TDRP: variants seen among roughly 807,000 people sequenced by gnomAD.
TDRP encodes the protein testis development-related protein.
TDRP carries 12 observed loss-of-function variants against 10.5 expected under a neutral mutation model. That is an observed-to-expected ratio of 1.15 (90% CI 0.73 to 1.86). TDRP has a LOEUF of 1.86. TDRP is among the 40% of genes most tolerant of loss of function. TDRP has a pLI of 0.00. For synonymous variants in TDRP, 139 were observed against 95.4 expected (o/e 1.46, Z -2.67); for missense variants, 353 against 229.2 (o/e 1.54, Z -3.49).
chr8:525,408 CAG>C (rs1802009740), intron 1 of TDRP, among the ~76,000 whole-genome samples: 2 of 152,078 alleles, frequency 1.3e-5, no homozygotes, highest in Admixed American at 6.6e-5. Context: ...CATAGAAAAA[CAG>C]AATATTATAA....
At chr8:519,947 C>A (rs1000354345) in intron 1 of TDRP, among the ~76,000 whole-genome samples, 2 of 152,092 alleles carry the variant, frequency 1.3e-5, no homozygotes, top group African/African-American at 2.4e-5. Context: ...GATAAGTGGG[C>A]AATTTATGTG....
chr8:527,334 T>C (rs1016231752), intron 1 of TDRP, among the ~76,000 whole-genome samples: 2 of 152,098 alleles, frequency 1.3e-5, no homozygotes, highest in African/African-American at 2.4e-5. Context: ...AAAATATCCA[T>C]ATTGCCCAAA....
intron 1 of TDRP, among the ~76,000 whole-genome samples, chr8:504,185 G>A (rs778642433): frequency 2.0e-5 from 3 of 152,206 alleles, no homozygotes; most frequent in African/African-American, 4.8e-5. Flanking sequence ...TCTGTCAGAT[G>A]CCAGCTGTGT....
At position 492,696 on chromosome 8, in the gene TDRP, T is replaced by G; in HGVS notation, c.261A>C (p.Gly87=). Residue 87 remains glycine (G), a synonymous_variant, in exon 3 of 3, where the codon GGA becomes GGC. Coordinates refer to ENST00000324079, the MANE Select transcript of TDRP (RefSeq NM_001384899.1). The stretch of plus-strand genomic sequence containing the variant: ...GTTTTAAAACCAAATTGTCCCAAAA[T>G]CCAGATTTCTTCTCTGCCTTCAACT... The part of the protein sequence containing the change: ...KEELKAEKKS[G]FWDNLVLKQN... 6.2e-7 allele frequency: 1 copy of G among 1,613,884 alleles called. No individual in the cohort carries two copies. The highest frequency in any genetic ancestry group is 8.5e-7 in the Non-Finnish European group (1 of 1,179,838).
chr8:505,069 T>G (rs542475776), intron 1 of TDRP, among the ~76,000 whole-genome samples: 1 of 152,204 alleles, frequency 6.6e-6, no homozygotes. Context: ...ACACATAACC[T>G]TCAGATAATT....
Position 491,763 on chromosome 8 carries a change from CACTGTT to C in TDRP, c.*630_*635del, listed in dbSNP as rs1420375731. 2 of 1,396,570 alleles carry C rather than the reference CACTGTT, an allele frequency of 1.4e-6. No homozygotes were observed. The highest frequency in any genetic ancestry group is 1.8e-6 in the Non-Finnish European group (2 of 1,085,120). 86.5% of individuals were successfully genotyped at this position (1,396,570 alleles called of 1,614,324 possible). Reference sequence around the variant, plus strand: ...TAAAAATAAAATTCCAAAAAAGAACCACTGTTACTATCCAGTGGACATACAAGAAGC... The same window carrying C: ...TAAAAATAAAATTCCAAAAAAGAACCACTATCCAGTGGACATACAAGAAGC... On this transcript the variant is annotated 3_prime_UTR_variant, in exon 3 of 3. Transcript: ENST00000324079.
At chr8:493,780 TTTTTG>T (rs1346375877) in intron 2 of TDRP, among the ~76,000 whole-genome samples, 2 of 151,980 alleles carry the variant, frequency 1.3e-5, no homozygotes, top group Admixed American at 1.3e-4. Flanking sequence ...GTGGTGGTTG[TTTTTG>T]TTTTGTTTTG....
Position 491,736 on chromosome 8 carries a change from G to T in TDRP, c.*663C>A, listed in dbSNP as rs1800982600. ...GGGACCGATTTAGAAGTTCAAAAGAGGTAAAAATAAAATTCCAAAAAAGAA... is the reference window on the plus strand; with the variant it reads ...GGGACCGATTTAGAAGTTCAAAAGATGTAAAAATAAAATTCCAAAAAAGAA... On this transcript the variant is annotated 3_prime_UTR_variant, in exon 3 of 3. Transcript: ENST00000324079. 7.0e-7 allele frequency: 1 copy of T among 1,421,892 alleles called. No homozygotes were observed. The highest frequency in any genetic ancestry group is 9.1e-7 in the Non-Finnish European group (1 of 1,097,754). 88.1% of individuals were successfully genotyped at this position (1,421,892 alleles called of 1,614,324 possible).
At chr8:536,550 T>C (rs1208021902) in intron 1 of TDRP, among the ~76,000 whole-genome samples, 1 of 152,200 alleles carries the variant, frequency 6.6e-6, no homozygotes, top group African/African-American at 2.4e-5. Flanking sequence ...AAACTTGGCA[T>C]ACAAATTGAT....
chr8:525,658 C>G (rs368377155), intron 1 of TDRP, among the ~76,000 whole-genome samples: 149 of 152,062 alleles, frequency 9.8e-4, no homozygotes, highest in African/African-American at 3.3e-3. Context: ...TTGCAAGCCT[C>G]ATGGTAACCT....
At chr8:497,669 C>A (rs1472230887) in intron 1 of TDRP, among the ~76,000 whole-genome samples, 1 of 152,102 alleles carries the variant, frequency 6.6e-6, no homozygotes, top group African/African-American at 2.4e-5. Context: ...TAAAGAAGAG[C>A]CAATGTTAAT....
rs367737702 is a variant in TDRP, at chr8:533,975, T to C, written c.108+10675A>G. On this transcript the variant is annotated intron_variant, in intron 1 of 2. Coordinates refer to ENST00000324079, the MANE Select transcript of TDRP (RefSeq NM_001384899.1). ...ACTGTCATGTTTACTGTATTGAAAA[T>C]TGAGCCAAAACACAATTTTATCAGT... Among the ~76,000 whole-genome samples, 187 of 152,334 alleles carry C rather than the reference T, an allele frequency of 1.2e-3. 5 individuals are homozygous for C. In the South Asian group the frequency reaches 0.036, roughly 29 times the overall value.
At position 523,808 on chromosome 8, in the gene TDRP, G is replaced by A. The variant is rs1479891155; in HGVS notation, c.108+20842C>T. On this transcript the variant is annotated intron_variant, in intron 1 of 2. Coordinates refer to ENST00000324079, the MANE Select transcript of TDRP (RefSeq NM_001384899.1). ...ATAGAGCACCAGGTTGATTCCTGAG[G>A]TTTCTGACTCCAGGCCCTGGCTCCT... is the stretch of plus-strand genomic sequence containing the variant. 3.9e-5 allele frequency among the ~76,000 whole-genome samples: 6 copies of A among 152,260 alleles called. No individual in the cohort carries two copies. In the East Asian group the frequency reaches 1.2e-3, roughly 29 times the overall value.
intron 1 of TDRP, among the ~76,000 whole-genome samples, chr8:501,562 G>C (rs1197123618): frequency 6.6e-6 from 1 of 152,086 alleles, no homozygotes; most frequent in African/African-American, 2.4e-5. Flanking sequence ...GGCCCGGCTG[G>C]TCTCGAACTC....
intron 1 of TDRP, among the ~76,000 whole-genome samples, chr8:543,513 C>T (rs943965486): frequency 6.6e-6 from 1 of 150,906 alleles, no homozygotes; most frequent in Admixed American, 6.6e-5. Context: ...TCATTACATT[C>T]AAGAAGAGAG....
chr8:513,423 T>A (rs1158010113), intron 1 of TDRP, among the ~76,000 whole-genome samples: 1 of 152,178 alleles, frequency 6.6e-6, no homozygotes, highest in African/African-American at 2.4e-5. Flanking sequence ...TCTCAATATA[T>A]GCAGAAAAAA....
At chr8:544,067 G>T (rs561120432) in intron 1 of TDRP, among the ~76,000 whole-genome samples, 1 of 152,128 alleles carries the variant, frequency 6.6e-6, no homozygotes, top group South Asian at 2.1e-4. Flanking sequence ...CAGTACAAAG[G>T]ACTTCTGCCG....
chr8:497,654 A>C (rs1350945896), intron 1 of TDRP, among the ~76,000 whole-genome samples: 1 of 152,244 alleles, frequency 6.6e-6, no homozygotes, highest in Non-Finnish European at 1.5e-5. Context: ...AAAAATTTGC[A>C]TAAGTAAAGA....
intron 1 of TDRP, among the ~76,000 whole-genome samples, chr8:537,203 T>A (rs1054482561): frequency 1.3e-5 from 2 of 152,226 alleles, no homozygotes; most frequent in Non-Finnish European, 1.5e-5. Flanking sequence ...GCTGGCTCCC[T>A]GCCTGGTCTT....
Sources: gnomAD v4.1 joint callset for allele counts (sites outside exome capture counted in the v4.1 genomes callset) on GRCh38, gnomAD v4.1.1 for gene constraint, MANE v1.5 for transcripts, NCBI Gene and HGNC (gene_info 2026-07-23, HGNC 2026-07-21) for gene names.